EXOC4: variants seen among roughly 807,000 people sequenced by gnomAD.
EXOC4 encodes the protein SEC8-like 1.
EXOC4 carries 71 observed loss-of-function variants against 107.2 expected under a neutral mutation model. The observed-to-expected ratio is 0.66, with a 90% CI of 0.55 to 0.81. The LOEUF is 0.81. Among genes scored for constraint, EXOC4 ranks in the 30% least tolerant of loss-of-function variants. The probability of loss-of-function intolerance (pLI) is 0.00; values close to 1 mark genes in which losing one functional copy is unlikely to be tolerated. For missense variants in EXOC4, 1,108 were observed against 1,189.6 expected (o/e 0.93, Z 1.01); for synonymous variants, 456 against 441.2 (o/e 1.03, Z -0.42).
chr7:133,907,720 T>C (rs1181302787), intron 12 of EXOC4, among the ~76,000 whole-genome samples: 2 of 151,978 alleles, frequency 1.3e-5, no homozygotes, highest in East Asian at 3.9e-4. Context: ...GTTCCTGTAA[T>C]CCCTTCTACT....
intron 7 of EXOC4, among the ~76,000 whole-genome samples, chr7:133,416,807 G>A (rs910855241): frequency 6.6e-6 from 1 of 152,202 alleles, no homozygotes; most frequent in African/African-American, 2.4e-5. Flanking sequence ...TGCTTGCAGG[G>A]AGGGAAGCTA....
intron 11 of EXOC4, among the ~76,000 whole-genome samples, chr7:133,880,344 T>C (rs1323368989): frequency 6.6e-6 from 1 of 152,216 alleles, no homozygotes; most frequent in Non-Finnish European, 1.5e-5. Flanking sequence ...CTCTAACATG[T>C]AGCATCTTCT....
At chr7:133,351,046 G>GTA (rs1795897770) in intron 5 of EXOC4, among the ~76,000 whole-genome samples, 1 of 151,806 alleles carries the variant, frequency 6.6e-6, no homozygotes, top group East Asian at 1.9e-4. Context: ...CACTGTTAGT[G>GTA]TATAGAAATG....
chr7:133,869,810 C>T (rs1363204810), intron 11 of EXOC4, among the ~76,000 whole-genome samples: 1 of 152,160 alleles, frequency 6.6e-6, no homozygotes, highest in Non-Finnish European at 1.5e-5. Flanking sequence ...CCAAAGCCAA[C>T]CTGAGGCTTT....
chr7:133,872,149 A>G (rs970984791), intron 11 of EXOC4, among the ~76,000 whole-genome samples: 1 of 152,194 alleles, frequency 6.6e-6, no homozygotes, highest in Non-Finnish European at 1.5e-5. Context: ...AGGGAGACAA[A>G]TAAGAAGAAA....
At chr7:133,290,382 G>A (rs1191020815) in intron 3 of EXOC4, among the ~76,000 whole-genome samples, 1 of 152,138 alleles carries the variant, frequency 6.6e-6, no homozygotes, top group Non-Finnish European at 1.5e-5. Flanking sequence ...ATTCAAAGTG[G>A]CAGCTTCTTT....
rs370756566 is a variant in EXOC4, at chr7:133,672,622, A to G, written c.1514+42481A>G. ...GGTAATGAAGAAAAGACATCTGAGG[A>G]CTGAGACCTCCAGTGTAGAGGTTAG... On this transcript the variant is annotated intron_variant, in intron 10 of 17. Coordinates refer to ENST00000253861, the MANE Select transcript of EXOC4 (RefSeq NM_021807.4). Among the ~76,000 whole-genome samples the G allele has an allele frequency of 3.9e-5, 6 of 152,250 alleles. No individual in the cohort carries two copies. The East Asian group carries it at 9.7e-4, about 25-fold the overall frequency.
rs558968602 is a variant in EXOC4, at chr7:133,587,497, C to T, written c.1418-42548C>T. 1.3e-4 allele frequency among the ~76,000 whole-genome samples: 20 copies of T among 152,246 alleles called. 1 individual carries two copies. The highest frequency in any genetic ancestry group is 8.3e-4 in the South Asian group (4 of 4,830). On this transcript the variant is annotated intron_variant, in intron 9 of 17. Coordinates refer to ENST00000253861, the MANE Select transcript of EXOC4 (RefSeq NM_021807.4). ...GTGCTCAGAGTCAAACTAAACTAGA[C>T]GGGCCTTGGACAGGTGGGGAGTTAG...
intron 9 of EXOC4, among the ~76,000 whole-genome samples, chr7:133,525,071 T>C (rs916977233): frequency 1.3e-5 from 2 of 152,214 alleles, no homozygotes; most frequent in African/African-American, 2.4e-5. Context: ...GTGTAACATA[T>C]AGCTTTCTTG....
intron 10 of EXOC4, among the ~76,000 whole-genome samples, chr7:133,798,039 A>G (rs947851801): frequency 1.3e-5 from 2 of 152,100 alleles, no homozygotes; most frequent in Non-Finnish European, 2.9e-5. Context: ...TCAGCAAGTG[A>G]GTTGTGTAAC....
intron 7 of EXOC4, among the ~76,000 whole-genome samples, chr7:133,407,398 C>T (rs1243068260): frequency 2.0e-5 from 3 of 152,066 alleles, no homozygotes; most frequent in African/African-American, 4.8e-5. Flanking sequence ...GTTGTGGTCT[C>T]GAATAAAATC....
intron 2 of EXOC4, among the ~76,000 whole-genome samples, chr7:133,276,716 T>C (rs1177897946): frequency 6.6e-6 from 1 of 152,134 alleles, no homozygotes; most frequent in Non-Finnish European, 1.5e-5. Flanking sequence ...CCCTGTGCTA[T>C]GAGATTGGTT....
chr7:133,690,885 G>A (rs1397774191), intron 10 of EXOC4, among the ~76,000 whole-genome samples: 1 of 152,124 alleles, frequency 6.6e-6, no homozygotes, highest in Non-Finnish European at 1.5e-5. Flanking sequence ...ATTTTAGTAA[G>A]GGTTGCTAAT....
chr7:133,559,452 C>T lies in EXOC4; in HGVS notation c.1418-70593C>T, dbSNP rs560122037. Among the ~76,000 whole-genome samples, 19 of 151,906 alleles carry T rather than the reference C, an allele frequency of 1.3e-4. No homozygotes were observed. In the South Asian group the frequency reaches 3.3e-3, roughly 27 times the overall value. On this transcript the variant is annotated intron_variant, in intron 9 of 17. Coordinates refer to ENST00000253861, the MANE Select transcript of EXOC4 (RefSeq NM_021807.4). ...TTGTAAGATATTGATTTAATTTTTC[C>T]TGATGTAAAAAAGGGTCTCAGTATC...
At chr7:133,587,775 T>C (rs59428533) in intron 9 of EXOC4, among the ~76,000 whole-genome samples, 20,062 of 152,192 alleles carry the variant, frequency 0.13, 1,415 homozygotes, top group East Asian at 0.23. Flanking sequence ...TCAGTTTTTT[T>C]CCAAAGAAGT....
chr7:134,025,529 G>A (rs1240618038), intron 17 of EXOC4, among the ~76,000 whole-genome samples: 5 of 152,192 alleles, frequency 3.3e-5, no homozygotes, highest in African/African-American at 9.7e-5. Flanking sequence ...ACTGCCTTGG[G>A]TTCTCTCCTG....
chr7:133,756,461 C>T (rs1208901175), intron 10 of EXOC4, among the ~76,000 whole-genome samples: 1 of 152,178 alleles, frequency 6.6e-6, no homozygotes, highest in African/African-American at 2.4e-5. Flanking sequence ...TCCTGTTAAG[C>T]TGTAACTAGT....
intron 11 of EXOC4, among the ~76,000 whole-genome samples, chr7:133,888,285 A>T (rs902871782): frequency 2.6e-5 from 4 of 152,220 alleles, no homozygotes; most frequent in African/African-American, 9.6e-5. Context: ...TTTAAGCATA[A>T]TAAAAATGCC....
intron 10 of EXOC4, among the ~76,000 whole-genome samples, chr7:133,661,691 A>C (rs1386812983): frequency 1.4e-5 from 2 of 146,236 alleles, no homozygotes; most frequent in African/African-American, 2.5e-5. Context: ...AAAAAAAACA[A>C]AAAAAAAAAA....
Sources: gnomAD v4.1 joint callset for allele counts (sites outside exome capture counted in the v4.1 genomes callset) on GRCh38, gnomAD v4.1.1 for gene constraint, MANE v1.5 for transcripts, NCBI Gene and HGNC (gene_info 2026-07-23, HGNC 2026-07-21) for gene names.